LMX1A: variants seen among roughly 807,000 people sequenced by gnomAD.
LMX1A encodes LIM homeobox transcription factor 1-alpha.
LMX1A carries 15 observed loss-of-function variants against 49.1 expected under a neutral mutation model. The observed-to-expected ratio is 0.31, with a 90% CI of 0.20 to 0.47. The LOEUF is 0.47. LMX1A is among the 20% of genes least tolerant of loss of function. The pLI is 1.00. For synonymous variants in LMX1A, 167 were observed against 185.7 expected (o/e 0.90, Z 0.82); for missense variants, 372 against 475.8 (o/e 0.78, Z 2.03).
At chr1:165,215,809 CCAT>C (rs1281694542) in intron 4 of LMX1A, among the ~76,000 whole-genome samples, 1 of 152,118 alleles carries the variant, frequency 6.6e-6, no homozygotes, top group Non-Finnish European at 1.5e-5. Context: ...AGTTCTGACC[CCAT>C]GCTGTAAGTA....
At position 165,316,696 on chromosome 1, in the gene LMX1A, C is replaced by T. The variant is rs910040091; in HGVS notation, c.263+36380G>A. ...ATTTTCATCCACATCCAGGCGGTTTCCCAGGGGCATCCGAGTTACACACAG... is the reference window on the plus strand; with the variant it reads ...ATTTTCATCCACATCCAGGCGGTTTTCCAGGGGCATCCGAGTTACACACAG... On this transcript the variant is annotated intron_variant, in intron 3 of 8. Transcript: ENST00000342310. 2.6e-5 allele frequency among the ~76,000 whole-genome samples: 4 copies of T among 152,146 alleles called. No homozygotes were observed. In the East Asian group the frequency reaches 5.8e-4, roughly 22 times the overall value.
At chr1:165,315,995 T>C (rs1655207662) in intron 3 of LMX1A, among the ~76,000 whole-genome samples, 1 of 152,162 alleles carries the variant, frequency 6.6e-6, no homozygotes, top group Admixed American at 6.5e-5. Flanking sequence ...TGTGCACTGG[T>C]CAAGTAAGGA....
At chr1:165,259,530 A>G (rs1220261606) in intron 3 of LMX1A, among the ~76,000 whole-genome samples, 1 of 152,216 alleles carries the variant, frequency 6.6e-6, no homozygotes, top group East Asian at 1.9e-4. Context: ...GCTGCTGACT[A>G]TTGTGTGGAC....
intron 3 of LMX1A, among the ~76,000 whole-genome samples, chr1:165,319,242 A>G (rs1304797167): frequency 6.6e-6 from 1 of 152,214 alleles, no homozygotes; most frequent in Non-Finnish European, 1.5e-5. Context: ...ATAAATACAT[A>G]GAGATACAAC....
rs117578383 is a variant in LMX1A, at chr1:165,277,247, G to A, written c.264-27607C>T. 4.6e-5 allele frequency among the ~76,000 whole-genome samples: 7 copies of A among 152,324 alleles called. No individual in the cohort carries two copies. The East Asian group carries it at 1.2e-3, about 25-fold the overall frequency. ...GGCGAGCCAGAGTAGGAAGACACTGGTCATAGAAGGTGGGGGTCAGAAAGG... is the reference window on the plus strand; with the variant it reads ...GGCGAGCCAGAGTAGGAAGACACTGATCATAGAAGGTGGGGGTCAGAAAGG... On this transcript the variant is annotated intron_variant, in intron 3 of 8. Transcript: ENST00000342310.
intron 3 of LMX1A, among the ~76,000 whole-genome samples, chr1:165,337,888 C>CTATGTGTGTGTGTGTGTGTGTGTG (rs147017847): frequency 6.8e-6 from 1 of 146,930 alleles, no homozygotes. Context: ...GTGTGTGTTT[C>CTATGTGTGTGTGTGTGTGTGTGTG]TGTGTGTGTG....
At chr1:165,306,740 C>T (rs1237378252) in intron 3 of LMX1A, among the ~76,000 whole-genome samples, 1 of 152,220 alleles carries the variant, frequency 6.6e-6, no homozygotes, top group African/African-American at 2.4e-5. Flanking sequence ...TGGTGGCACT[C>T]ACACCACAAT....
intron 3 of LMX1A, among the ~76,000 whole-genome samples, chr1:165,351,519 A>C (rs904867211): frequency 1.8e-4 from 27 of 152,334 alleles, no homozygotes; most frequent in African/African-American, 5.8e-4. Flanking sequence ...CATAATGATC[A>C]CTTCATAGGT....
intron 3 of LMX1A, among the ~76,000 whole-genome samples, chr1:165,278,457 A>G (rs961794135): frequency 6.6e-6 from 1 of 152,088 alleles, no homozygotes; most frequent in African/African-American, 2.4e-5. Context: ...TCTTTCTCAC[A>G]TTCTCTTACT....
At chr1:165,260,424 T>G (rs1230552420) in intron 3 of LMX1A, among the ~76,000 whole-genome samples, 1 of 151,938 alleles carries the variant, frequency 6.6e-6, no homozygotes. Flanking sequence ...TGGGGAAGAT[T>G]CTGGGATCTC....
chr1:165,206,596 C>T (rs1271490207), intron 7 of LMX1A, among the ~76,000 whole-genome samples: 1 of 152,116 alleles, frequency 6.6e-6, no homozygotes, highest in Non-Finnish European at 1.5e-5. Flanking sequence ...AAACTAAGTC[C>T]CAAGCCATAT....
At chr1:165,212,087 A>G (rs556373203) in intron 5 of LMX1A, among the ~76,000 whole-genome samples, 6 of 152,304 alleles carry the variant, frequency 3.9e-5, no homozygotes, top group Non-Finnish European at 8.8e-5. Context: ...CCTCTCTTGG[A>G]GCATAAGGAG....
At chr1:165,236,604 T>G (rs1173946200) in intron 4 of LMX1A, among the ~76,000 whole-genome samples, 1 of 152,138 alleles carries the variant, frequency 6.6e-6, no homozygotes, top group East Asian at 1.9e-4. Flanking sequence ...ACCTGCTCAC[T>G]CTAAGCAAAA....
intron 3 of LMX1A, among the ~76,000 whole-genome samples, chr1:165,296,528 G>A (rs759527063): frequency 6.6e-6 from 1 of 152,244 alleles, no homozygotes; most frequent in African/African-American, 2.4e-5. Context: ...CAGGTATCAC[G>A]TTGACTGTGT....
chr1:165,302,647 C>G (rs942213808), intron 3 of LMX1A, among the ~76,000 whole-genome samples: 1 of 152,184 alleles, frequency 6.6e-6, no homozygotes, highest in African/African-American at 2.4e-5. Context: ...TAAACAATCA[C>G]TTTTACTTCA....
intron 3 of LMX1A, among the ~76,000 whole-genome samples, chr1:165,338,392 A>G (rs537980772): frequency 2.6e-5 from 4 of 152,336 alleles, no homozygotes; most frequent in African/African-American, 9.6e-5. Context: ...AAGTCCTTTA[A>G]TCCTTTAATA....
At chr1:165,223,789 T>G (rs1201653683) in intron 4 of LMX1A, among the ~76,000 whole-genome samples, 2 of 148,502 alleles carry the variant, frequency 1.3e-5, no homozygotes, top group East Asian at 3.9e-4. Context: ...AACAGTATCC[T>G]AAGCTCTAAG....
At chr1:165,266,153 A>G (rs1221210362) in intron 3 of LMX1A, among the ~76,000 whole-genome samples, 2 of 152,346 alleles carry the variant, frequency 1.3e-5, no homozygotes, top group East Asian at 1.9e-4. Flanking sequence ...ATTGGTACCA[A>G]CTAAATGTCA....
chr1:165,314,330 T>C (rs1364304806), intron 3 of LMX1A, among the ~76,000 whole-genome samples: 1 of 152,192 alleles, frequency 6.6e-6, no homozygotes, highest in Non-Finnish European at 1.5e-5. Context: ...GCATCCCAGA[T>C]GCTTCAAAAA....
Sources: allele counts gnomAD v4.1 joint callset (sites outside exome capture counted in the v4.1 genomes callset), GRCh38; gene constraint gnomAD v4.1.1; transcripts MANE v1.5; gene names NCBI Gene and HGNC (gene_info 2026-07-23, HGNC 2026-07-21).